The following GOLGA8H variants were observed in gnomAD, a reference collection of about 807,000 sequenced individuals.
GOLGA8H encodes the protein golgin subfamily A member 8H.
A neutral mutation model predicts 82.7 loss-of-function variants in GOLGA8H; 47 were observed. The observed-to-expected ratio is 0.57, with a 90% CI of 0.45 to 0.73. GOLGA8H has a LOEUF of 0.73. Among genes scored for constraint, GOLGA8H ranks in the 30% least tolerant of loss-of-function variants. The pLI, the probability that GOLGA8H is intolerant of heterozygous loss-of-function variation, is 0.00. For missense variants in GOLGA8H, 372 were observed against 661.0 expected, an observed-to-expected ratio of 0.56 and a Z score of 4.79; for synonymous variants, 108 against 241.6, an observed-to-expected ratio of 0.45 and a Z score of 5.13.
In GOLGA8H at chr15:30,605,917, T is replaced by C; in HGVS notation, c.123T>C (p.Ser41=). Residue 41 remains serine, a synonymous_variant, in exon 2 of 19, where the codon AGT becomes AGC. Coordinates refer to ENST00000566740, the MANE Select transcript of GOLGA8H (RefSeq NM_001282490.2). ...GANRNRKTNG[S]VPEKATSGGC... Reference sequence around the variant, plus strand: ...ACAGGAACAGGAAAACAAATGGCAGTGTCCCTGAGAAAGCCACTTCTGGTG... The same window carrying C: ...ACAGGAACAGGAAAACAAATGGCAGCGTCCCTGAGAAAGCCACTTCTGGTG... 4 of 1,594,852 alleles carry C rather than the reference T, an allele frequency of 2.5e-6. No homozygotes were observed. The South Asian group carries it at 4.4e-5, about 18-fold the overall frequency.
chr15:30,612,600 C>G lies in GOLGA8H; in HGVS notation c.1204C>G (p.His402Asp), dbSNP rs1440469039. 6.3e-7 allele frequency: 1 copy of G among 1,596,144 alleles called. No homozygotes were observed. The highest frequency in any genetic ancestry group is 1.1e-5 in the South Asian group (1 of 90,318). Residue 402 changes from histidine to aspartate, a missense_variant, in exon 14 of 19, where the codon CAC becomes GAC. By Grantham distance (81) the His-to-Asp change is moderately conservative. Coordinates refer to ENST00000566740, the MANE Select transcript of GOLGA8H (RefSeq NM_001282490.2). ...KELQEKLGEE[H>D]LEAASQQNQQ... ...TCACTCTGTCCTGGCCCCTTAGGAGCACCTGGAAGCTGCCAGCCAGCAGAA... is the reference window on the plus strand; with the variant it reads ...TCACTCTGTCCTGGCCCCTTAGGAGGACCTGGAAGCTGCCAGCCAGCAGAA...
intron 7 of GOLGA8H, 34 bp downstream of exon 7, chr15:30,608,585 T>C: frequency 1.9e-6 from 3 of 1,606,578 alleles, no homozygotes; most frequent in Non-Finnish European, 2.5e-6. Context: ...TCCTTCAACC[T>C]GGCACTTTGA....
At chr15:30,611,489 T>A (rs531693431) in intron 13 of GOLGA8H, 143 bp downstream of exon 13, 22 of 1,522,606 alleles carry the variant, frequency 1.4e-5, no homozygotes, top group Non-Finnish European at 1.9e-5. Context: ...GTCCTGTGAC[T>A]GTTTCTTGCT....
At position 30,608,574 on chromosome 15, in the gene GOLGA8H, A is replaced by G. The variant is rs780480000; in HGVS notation, c.481+23A>G. 5.6e-6 allele frequency: 9 copies of G among 1,607,510 alleles called. No individual in the cohort carries two copies. The African/African-American group carries it at 1.1e-4, about 19-fold the overall frequency. Reference sequence around the variant, plus strand: ...AAGGTGGGAATCTGGGCACCCTGTCATCCTTCAACCTGGCACTTTGACAGG... The same window carrying G: ...AAGGTGGGAATCTGGGCACCCTGTCGTCCTTCAACCTGGCACTTTGACAGG... On this transcript the variant is annotated intron_variant, in intron 7 of 18. Coordinates refer to ENST00000566740, the MANE Select transcript of GOLGA8H (RefSeq NM_001282490.2).
intron 1 of GOLGA8H, among the ~76,000 whole-genome samples, chr15:30,605,168 G>C (rs2140807209): frequency 7.4e-6 from 1 of 135,088 alleles, no homozygotes; most frequent in South Asian, 2.7e-4. Context: ...ATAGATCTTG[G>C]GAAACTGAAC....
intron 4 of GOLGA8H, chr15:30,607,803 A>G (rs1880282723): frequency 3.4e-6 from 2 of 593,860 alleles, no homozygotes; most frequent in Admixed American, 3.0e-5. Context: ...TGTCCTCTCA[A>G]GAGATTCCAG....
intron 8 of GOLGA8H, among the ~76,000 whole-genome samples, 200 bp from the exon 9 acceptor site, chr15:30,609,606 T>A (rs1324105337): frequency 3.3e-5 from 5 of 151,558 alleles, no homozygotes. Flanking sequence ...GGGCCTCTGT[T>A]AGCCAGCTAT....
intron 13 of GOLGA8H, 64 bp downstream of exon 13, chr15:30,611,410 G>T (rs1328159455): frequency 2.3e-5 from 30 of 1,296,946 alleles, no homozygotes; most frequent in Non-Finnish European, 3.1e-5. Flanking sequence ...CAGCCTCTTG[G>T]GAGGGGAGGT....
Position 30,614,569 on chromosome 15 carries a change from C to G in GOLGA8H, c.*8C>G, listed in dbSNP as rs1319601244. The G allele has an allele frequency of 6.3e-7, 1 of 1,598,406 alleles. No individual in the cohort carries two copies. The highest frequency in any genetic ancestry group is 2.2e-5 in the East Asian group (1 of 44,798). On this transcript the variant is annotated 3_prime_UTR_variant, in exon 19 of 19. Coordinates refer to ENST00000566740, the MANE Select transcript of GOLGA8H (RefSeq NM_001282490.2). ...CCAAGAAGAAGGAGATAAACATCAC[C>G]ATCCTCAAAGAGCTGCTCAAGAAAT...
At position 30,615,392 on chromosome 15, in the gene GOLGA8H, G is replaced by A. The variant is rs186549460; in HGVS notation, c.*831G>A. Among the ~76,000 whole-genome samples the A allele has an allele frequency of 0.012, 1,862 of 152,002 alleles. 48 individuals carry two copies. The highest frequency in any genetic ancestry group is 0.043 in the African/African-American group (1,781 of 41,462). On this transcript the variant is annotated 3_prime_UTR_variant, in exon 19 of 19. Coordinates refer to ENST00000566740, the MANE Select transcript of GOLGA8H (RefSeq NM_001282490.2). ...TGACCTAAAAAGGGCTTATTTCTGA[G>A]GAATGAAAGGTTCCCATCATTGACT...
rs1476854965 is a variant in GOLGA8H, at chr15:30,605,824, C to G, written c.49-19C>G. ...GGGCTGACGGTTCTCATGAGTATTA[C>G]TGCTCTTCTTTCCAACAGTTAAAAG... is the stretch of plus-strand genomic sequence containing the variant. On this transcript the variant is annotated intron_variant, in intron 1 of 18. Coordinates refer to ENST00000566740, the MANE Select transcript of GOLGA8H (RefSeq NM_001282490.2). 2 of 1,591,396 alleles carry G rather than the reference C, an allele frequency of 1.3e-6. No individual in the cohort carries two copies. Among genetic ancestry groups the G allele is most frequent in the Non-Finnish European group, 8.5e-7 (1 of 1,174,792 alleles).
Position 30,608,372 on chromosome 15 carries a change from G to A in GOLGA8H, c.390G>A (p.Val130=), listed in dbSNP as rs1215923669. 1.0e-5 allele frequency: 16 copies of A among 1,574,212 alleles called. No homozygotes were observed. The highest frequency in any genetic ancestry group is 1.1e-5 in the Non-Finnish European group (13 of 1,162,940). ...ACAAGAAACAGAAAGCCAAAAGGGT[G>A]CTAGAGGTGAGTGGAGGGTGTGCAG... ...ANNKKQKAKR[V]LEVQIQTLNI... The change falls in exon 6 of 19, where the codon GTG becomes GTA. Residue 130 remains valine (V), a synonymous_variant. Transcript: ENST00000566740.
Position 30,608,544 on chromosome 15 carries a change from C to G in GOLGA8H, c.474C>G (p.Tyr158Ter). The stretch of plus-strand genomic sequence containing the variant: ...ACCACATGAAACGTTCTCTCAGATA[C>G]TTTGAAGGTGGGAATCTGGGCACCC... ...DLYHMKRSLR[Y>*]FEEKSKDLAV... The change falls in exon 7 of 19, where the codon TAC becomes TAG. Residue 158 changes from tyrosine to a stop codon, truncating the protein, a stop_gained. Coordinates refer to ENST00000566740, the MANE Select transcript of GOLGA8H (RefSeq NM_001282490.2). LOFTEE classifies it high-confidence loss of function. 1 of 1,610,382 alleles carries G rather than the reference C, an allele frequency of 6.2e-7. No individual in the cohort carries two copies. Among genetic ancestry groups the G allele is most frequent in the Non-Finnish European group, 8.5e-7 (1 of 1,179,560 alleles).
intron 8 of GOLGA8H, among the ~76,000 whole-genome samples, chr15:30,609,563 G>T (rs1024890952): frequency 6.6e-6 from 1 of 150,570 alleles, no homozygotes; most frequent in East Asian, 2.0e-4. Context: ...AATAATAACA[G>T]TAATAACAAT....
chr15:30,606,583 G>A (rs1421376893), intron 2 of GOLGA8H, among the ~76,000 whole-genome samples: 2 of 151,742 alleles, frequency 1.3e-5, no homozygotes, highest in Non-Finnish European at 2.9e-5. Context: ...GGACACCCAG[G>A]ATATGGTTTG....
At position 30,608,453 on chromosome 15, in the gene GOLGA8H, C is replaced by T. The variant is rs1160294576; in HGVS notation, c.397-14C>T. On this transcript the variant is annotated splice_polypyrimidine_tract_variant and intron_variant, in intron 6 of 18. Coordinates refer to ENST00000566740, the MANE Select transcript of GOLGA8H (RefSeq NM_001282490.2). Reference sequence around the variant, plus strand: ...TCCTTCTCTTTCAGCACTTGCTTGGCTTTTCTCCCAAAGGTTCAAATCCAG... The same window carrying T: ...TCCTTCTCTTTCAGCACTTGCTTGGTTTTTCTCCCAAAGGTTCAAATCCAG... The T allele has an allele frequency of 1.9e-6, 3 of 1,608,840 alleles. No homozygotes were observed. The highest frequency in any genetic ancestry group is 2.5e-6 in the Non-Finnish European group (3 of 1,179,252).
In GOLGA8H at chr15:30,610,052, T is replaced by C; in HGVS notation, c.732T>C (p.His244=). The change falls in exon 10 of 19, where the codon CAT becomes CAC. Residue 244 remains histidine, a synonymous_variant. Transcript: ENST00000566740. ...VQLERDECAE[H]LKGERARWQQ... is the part of the protein sequence containing the mutation. ...TAGAAAGAGATGAGTGTGCTGAACA[T>C]CTAAAAGGAGAGAGGGCCCGGTGGC... 6.2e-7 allele frequency: 1 copy of C among 1,611,404 alleles called. No homozygotes were observed.
At chr15:30,609,704 T>C in intron 8 of GOLGA8H, 102 bp from the exon 9 acceptor site, 1 of 1,495,768 alleles carries the variant, frequency 6.7e-7, no homozygotes, top group Non-Finnish European at 9.2e-7. Context: ...TGATCTTTAC[T>C]GACTGAGTTG....
Position 30,608,690 on chromosome 15 carries a change from G to C in GOLGA8H, c.525G>C (p.Gln175His). 6.5e-7 allele frequency: 1 copy of C among 1,536,994 alleles called. No individual in the cohort carries two copies. The highest frequency in any genetic ancestry group is 8.9e-7 in the Non-Finnish European group (1 of 1,128,598). ...DLAVCLQHSL[Q>H]RKGELESVLS... ...CTGTCTGCCTGCAACATTCATTGCA[G>C]CGTAAAGGAGAGTTAGAGAGTGTTC... is the stretch of plus-strand genomic sequence containing the variant. The change falls in exon 8 of 19, where the codon CAG (glutamine) becomes CAC (histidine). Residue 175 changes from glutamine (Q) to histidine (H), a missense_variant. Gln to His is a conservative substitution (Grantham distance 24). Transcript: ENST00000566740.
Sources: allele counts gnomAD v4.1 joint callset (sites outside exome capture counted in the v4.1 genomes callset), GRCh38; gene constraint gnomAD v4.1.1; transcripts MANE v1.5; gene names NCBI Gene and HGNC (gene_info 2026-07-23, HGNC 2026-07-21).